The following HAS3 variants were observed in gnomAD, a reference collection of about 807,000 sequenced individuals.
HAS3 encodes HA synthase 3.
HAS3 carries 27 observed loss-of-function variants against 50.3 expected under a neutral mutation model. That is an observed-to-expected ratio of 0.54 (90% CI 0.40 to 0.74). HAS3 has a LOEUF of 0.74. HAS3 is among the 30% of genes least tolerant of loss of function. The pLI, the probability that HAS3 is intolerant of heterozygous loss-of-function variation, is 0.00. For synonymous variants in HAS3, 339 were observed against 310.9 expected, an observed-to-expected ratio of 1.09 and a Z score of -0.95; for missense variants, 517 against 742.8, an observed-to-expected ratio of 0.70 and a Z score of 3.53.
chr16:69,102,241 T>C (rs1960704422), upstream of HAS3, among the ~76,000 whole-genome samples: 1 of 152,204 alleles, frequency 6.6e-6, no homozygotes, highest in African/African-American at 2.4e-5. Context: ...GTGAATCTTC[T>C]ACTACTGAGC....
chr16:69,109,418 C>A lies in HAS3; in HGVS notation c.23C>A (p.Ala8Asp). The part of the protein sequence containing the change: MPVQLTT[A>D]LRVVGTSLFA... ...CAGATGCCGGTGCAGCTGACGACAG[C>A]CCTGCGTGTGGTGGGCACCAGCCTG... The change falls in exon 2 of 4, where the codon GCC becomes GAC. Residue 8 changes from alanine (A) to aspartate (D), a missense_variant. Physicochemically the swap from Ala to Asp is moderately radical, Grantham distance 126. Coordinates refer to ENST00000569188, the MANE Select transcript of HAS3 (RefSeq NM_001199280.2). The surrounding 1 kb of genome is among the most constrained non-coding windows in gnomAD (Gnocchi z 5.3). 1 of 1,609,220 alleles carries A rather than the reference C, an allele frequency of 6.2e-7. No homozygotes were observed.
At chr16:69,083,565 C>T in the HAS3 span, 1 of 1,609,674 alleles carries the variant, frequency 6.2e-7, no homozygotes, top group Non-Finnish European at 8.5e-7. Flanking sequence ...TGGCCAAGCT[C>T]CATGCCCAGT....
the HAS3 span, among the ~76,000 whole-genome samples, chr16:69,086,522 ATGTGTGTG>A: frequency 0.013 from 1,782 of 138,402 alleles, 36 homozygotes; most frequent in African/African-American, 0.042. Flanking sequence ...TTTCTATATT[ATGTGTGTG>A]TGTGTGTGTG....
Position 69,106,822 on chromosome 16 carries a change from G to C in HAS3, c.-1+1035G>C, listed in dbSNP as rs1229798536. On this transcript the variant is annotated intron_variant, in intron 1 of 3. Coordinates refer to ENST00000569188, the MANE Select transcript of HAS3 (RefSeq NM_001199280.2). The surrounding 1 kb of genome is among the most constrained non-coding windows in gnomAD (Gnocchi z 5.5). Reference sequence around the variant, plus strand: ...GCCTGGAGGGGCCCGGAGGGCGGCCGGGCACAAGAGGAGGAGCCCCGTTGG... The same window carrying C: ...GCCTGGAGGGGCCCGGAGGGCGGCCCGGCACAAGAGGAGGAGCCCCGTTGG... 1 of 152,174 alleles carries C rather than the reference G, an allele frequency of 6.6e-6. No homozygotes were observed. The highest frequency in any genetic ancestry group is 1.9e-4 in the East Asian group (1 of 5,158). The allele number at this position is 152,174 out of a possible 1,614,324, so 9.4% of individuals were successfully genotyped here. A position where few individuals can be genotyped will look rare whatever the true frequency, so the allele number is the denominator to read the frequency against.
At chr16:69,105,347 C>T (rs1960762941), upstream of HAS3, among the ~76,000 whole-genome samples, 1 of 152,118 alleles carries the variant, frequency 6.6e-6, no homozygotes, top group South Asian at 2.1e-4. Flanking sequence ...TCTCACCCCA[C>T]CCCAGTGCAC....
Position 69,116,597 on chromosome 16 carries a change from GCTT to G in HAS3, c.*1335_*1337del, listed in dbSNP as rs1005187644. The G allele has an allele frequency of 1.2e-4, 116 of 985,658 alleles. No homozygotes were observed. In the African/African-American group the frequency reaches 2.0e-3, roughly 17 times the overall value. 61.1% of individuals were successfully genotyped at this position (985,658 alleles called of 1,614,324 possible). A position where few individuals can be genotyped will look rare whatever the true frequency, so the allele number is the denominator to read the frequency against. On this transcript the variant is annotated 3_prime_UTR_variant, in exon 4 of 4. Transcript: ENST00000569188. ...GTTGTGACAGTCACTGCATTTGCCT[GCTT>G]CTTTCCAGAAACCAAACTAGGAGAT...
chr16:69,093,523 C>CTTTTTT, the HAS3 span, among the ~76,000 whole-genome samples: 3 of 87,458 alleles, frequency 3.4e-5, no homozygotes, highest in Non-Finnish European at 6.4e-5. Context: ...TACAGTGTAT[C>CTTTTTT]TTTTTTTTTT....
At chr16:69,099,986 G>T in the HAS3 span, among the ~76,000 whole-genome samples, 1 of 152,106 alleles carries the variant, frequency 6.6e-6, no homozygotes, top group South Asian at 2.1e-4. Context: ...CAGCATAAAA[G>T]AACCTGGCCC....
chr16:69,113,021 C>A (rs980709176), intron 2 of HAS3, among the ~76,000 whole-genome samples: 1 of 152,166 alleles, frequency 6.6e-6, no homozygotes, highest in African/African-American at 2.4e-5. Flanking sequence ...GAGGCTGACA[C>A]GGGGACCCCT....
chr16:69,117,568 T>C lies in HAS3; in HGVS notation c.*2302T>C. The stretch of plus-strand genomic sequence containing the variant: ...ACAATAATTTGTAAACATATTTATT[T>C]TTACCTGCTTTTTTTTTTTTTTTTA... On this transcript the variant is annotated 3_prime_UTR_variant, in exon 4 of 4. Coordinates refer to ENST00000569188, the MANE Select transcript of HAS3 (RefSeq NM_001199280.2). 1.1e-6 allele frequency: 1 copy of C among 875,166 alleles called. No homozygotes were observed. Among genetic ancestry groups the C allele is most frequent in the Non-Finnish European group, 1.4e-6 (1 of 739,664 alleles). The allele number at this position is 875,166 out of a possible 1,614,324, so 54.2% of individuals were successfully genotyped here.
rs1296557065 is a variant in HAS3, at chr16:69,106,492, G to C, written c.-1+705G>C. ...GCGGGTTGGGGGCGGCGGCAGCCCC[G>C]GGCTTCCCGGCGGCCGTTCCTGCAG... On this transcript the variant is annotated intron_variant, in intron 1 of 3. Coordinates refer to ENST00000569188, the MANE Select transcript of HAS3 (RefSeq NM_001199280.2). This position sits in a 1 kb window ranked among gnomAD's most constrained non-coding sequence, Gnocchi z 5.5. 4 of 151,504 alleles carry C rather than the reference G, an allele frequency of 2.6e-5. No homozygotes were observed. The highest frequency in any genetic ancestry group is 6.6e-5 in the Admixed American group (1 of 15,224). 9.4% of individuals were successfully genotyped at this position (151,504 alleles called of 1,614,324 possible). A position where few individuals can be genotyped will look rare whatever the true frequency, so the allele number is the denominator to read the frequency against.
chr16:69,094,131 G>A, the HAS3 span, among the ~76,000 whole-genome samples: 1 of 152,206 alleles, frequency 6.6e-6, no homozygotes, highest in East Asian at 1.9e-4. Context: ...CTCTTCTGGG[G>A]AACTAGGAAA....
the HAS3 span, among the ~76,000 whole-genome samples, chr16:69,099,001 C>T: frequency 3.4e-5 from 5 of 147,882 alleles, no homozygotes; most frequent in South Asian, 2.2e-4. Flanking sequence ...GACAGAGTCT[C>T]GCCCTGTCGC....
the HAS3 span, among the ~76,000 whole-genome samples, chr16:69,090,242 C>G: frequency 5.0e-3 from 768 of 152,228 alleles, 3 homozygotes; most frequent in African/African-American, 0.018. Context: ...GACACATGGT[C>G]GGCGCTGCCT....
chr16:69,109,295 T>A lies in HAS3; in HGVS notation c.1-101T>A, dbSNP rs1960912768. On this transcript the variant is annotated intron_variant, in intron 1 of 3. Coordinates refer to ENST00000569188, the MANE Select transcript of HAS3 (RefSeq NM_001199280.2). This position sits in a 1 kb window ranked among gnomAD's most constrained non-coding sequence, Gnocchi z 5.3. ...GCTCAGTAAGCGGTAACGGTTTTGA[T>A]CAGTGGGTCATGTCCACTAGTAACA... The A allele has an allele frequency of 2.5e-6, 3 of 1,210,006 alleles. No homozygotes were observed. Among genetic ancestry groups the A allele is most frequent in the African/African-American group, 1.5e-5 (1 of 66,058 alleles). The allele number at this position is 1,210,006 out of a possible 1,614,324, so 75.0% of individuals were successfully genotyped here.
In HAS3 at chr16:69,117,451, C is replaced by T. The variant is rs147674979; in HGVS notation, c.*2185C>T. On this transcript the variant is annotated 3_prime_UTR_variant, in exon 4 of 4. Transcript: ENST00000569188. ...AACCAAACTGGGTCTTCAGCTTTAT[C>T]CCCGTTTCTTGCAAGGGAAGAGCCT... 2.0e-3 allele frequency: 1,930 copies of T among 985,758 alleles called. 2 individuals are homozygous for T. Among genetic ancestry groups the T allele is most frequent in the Non-Finnish European group, 2.2e-3 (1,831 of 829,868 alleles). 61.1% of individuals were successfully genotyped at this position (985,758 alleles called of 1,614,324 possible). A position where few individuals can be genotyped will look rare whatever the true frequency, so the allele number is the denominator to read the frequency against.
At chr16:69,094,921 C>T in the HAS3 span, among the ~76,000 whole-genome samples, 1 of 151,752 alleles carries the variant, frequency 6.6e-6, no homozygotes. Context: ...CTCAAATCCA[C>T]ATCCTTCCTT....
chr16:69,113,330 C>T (rs528900033), intron 2 of HAS3, 111 bp from the exon 3 acceptor site: 1 of 765,022 alleles, frequency 1.3e-6, no homozygotes, highest in East Asian at 2.5e-5. Context: ...GGAAGTGAGT[C>T]ATGTGTGAAG....
chr16:69,115,232 C>T lies in HAS3; in HGVS notation c.1628C>T (p.Pro543Leu), dbSNP rs977762488. 3.3e-6 allele frequency: 5 copies of T among 1,535,268 alleles called. No individual in the cohort carries two copies. The highest frequency in any genetic ancestry group is 4.4e-6 in the Non-Finnish European group (5 of 1,142,710). ...ATCGCCCGGCGATGTGGGAAGAAGC[C>T]GGAGCAGTACAGCTTGGCTTTTGCT... ...AIIARRCGKK[P>L]EQYSLAFAEV Residue 543 changes from proline (P) to leucine (L), a missense_variant, in exon 4 of 4, where the codon CCG becomes CTG. Pro to Leu is a moderately conservative substitution (Grantham distance 98). Transcript: ENST00000569188.
Sources: allele counts gnomAD v4.1 joint callset (sites outside exome capture counted in the v4.1 genomes callset), GRCh38; gene constraint gnomAD v4.1.1; non-coding constraint Gnocchi (gnomAD v3.1); transcripts MANE v1.5; gene names NCBI Gene and HGNC (gene_info 2026-07-23, HGNC 2026-07-21).